Variants in PLEKHA1 observed in about 807,000 individuals in gnomAD.
PLEKHA1 encodes the protein pleckstrin homology domain containing A1.
In PLEKHA1, 34 loss-of-function variants were observed where a neutral mutation model predicts 52.0. That is an observed-to-expected ratio of 0.65 (90% CI 0.50 to 0.87). PLEKHA1 has a LOEUF of 0.87. Among genes scored for constraint, PLEKHA1 ranks in the 40% least tolerant of loss-of-function variants. The pLI is 0.00. For synonymous variants in PLEKHA1, 163 were observed against 170.7 expected (o/e 0.95, Z 0.35); for missense variants, 497 against 504.2 (o/e 0.99, Z 0.14).
intron 1 of PLEKHA1, among the ~76,000 whole-genome samples, chr10:122,388,283 T>A (rs2096728777): frequency 6.6e-6 from 1 of 152,232 alleles, no homozygotes; most frequent in Non-Finnish European, 1.5e-5. Flanking sequence ...TTGGTGGCTT[T>A]TTTCATTTAG....
chr10:122,401,768 A>C (rs897043354), intron 4 of PLEKHA1, among the ~76,000 whole-genome samples: 1 of 152,194 alleles, frequency 6.6e-6, no homozygotes, highest in Non-Finnish European at 1.5e-5. Flanking sequence ...TGAGTGACTG[A>C]AGGAACGAAT....
rs1432454110 is a variant in PLEKHA1 at position 122,430,429 on chromosome 10, A to G, written c.*491A>G. On this transcript the variant is annotated 3_prime_UTR_variant, in exon 12 of 12. Coordinates refer to ENST00000368990, the MANE Select transcript of PLEKHA1 (RefSeq NM_001001974.4). ...TGATGTCTGTGGTGCTGTAAAATTT[A>G]TACTAAAATGTGGACTATTTTGAAA... The G allele has an allele frequency of 6.5e-6, 1 of 154,194 alleles. No homozygotes were observed. The highest frequency in any genetic ancestry group is 1.4e-5 in the Non-Finnish European group (1 of 69,208). The allele number at this position is 154,194 out of a possible 1,614,324, so 9.6% of individuals were successfully genotyped here. A position where few individuals can be genotyped will look rare whatever the true frequency, so the allele number is the denominator to read the frequency against.
At chr10:122,375,076 C>T (rs2133385507) in intron 1 of PLEKHA1, 1 of 151,986 alleles carries the variant, frequency 6.6e-6, no homozygotes, top group African/African-American at 2.4e-5. Flanking sequence ...GGGGCGGCGT[C>T]TTCTTCCCGT....
Position 122,403,445 on chromosome 10 carries a change from G to C in PLEKHA1, c.244+3057G>C, listed in dbSNP as rs535457916. On this transcript the variant is annotated intron_variant, in intron 4 of 11. Coordinates refer to ENST00000368990, the MANE Select transcript of PLEKHA1 (RefSeq NM_001001974.4). ...AGTTAAGCTAATGTTTATGCTTCAA[G>C]TTTTATCCATTTTATGTATTCATTC... 6.6e-5 allele frequency among the ~76,000 whole-genome samples: 10 copies of C among 152,160 alleles called. No homozygotes were observed. The East Asian group carries it at 1.9e-3, about 30-fold the overall frequency.
chr10:122,415,724 A>T, intron 6 of PLEKHA1, 135 bp from the exon 7 acceptor site: 2 of 839,374 alleles, frequency 2.4e-6, no homozygotes, highest in Non-Finnish European at 3.5e-6. Context: ...AGTATCTCAG[A>T]TTAATTAGAA....
At chr10:122,420,720 A>G (rs1398251286) in intron 8 of PLEKHA1, 3 of 152,296 alleles carry the variant, frequency 2.0e-5, no homozygotes, top group Non-Finnish European at 2.9e-5. Flanking sequence ...CCTTCCATCA[A>G]TCTGAAATGA....
intron 5 of PLEKHA1, 42 bp from the exon 6 acceptor site, chr10:122,412,878 T>C (rs1435988185): frequency 1.2e-6 from 2 of 1,607,874 alleles, no homozygotes; most frequent in Non-Finnish European, 1.7e-6. Flanking sequence ...TTCACATGTA[T>C]AATGCTGGTT....
At chr10:122,395,961 A>C (rs2096843876) in intron 2 of PLEKHA1, among the ~76,000 whole-genome samples, 1 of 152,098 alleles carries the variant, frequency 6.6e-6, no homozygotes, top group Non-Finnish European at 1.5e-5. Flanking sequence ...TTTTTCTTAA[A>C]TGTTCTATTA....
rs1019773129 is a variant in PLEKHA1 at position 122,431,920 on chromosome 10, A to C, written c.*1982A>C. Reference sequence around the variant, plus strand: ...ATATTTAAGAACCTAATGCTGTTTAATTTTGGTACAGCTTCCACATTGCAT... The same window carrying C: ...ATATTTAAGAACCTAATGCTGTTTACTTTTGGTACAGCTTCCACATTGCAT... On this transcript the variant is annotated 3_prime_UTR_variant, in exon 12 of 12. Coordinates refer to ENST00000368990, the MANE Select transcript of PLEKHA1 (RefSeq NM_001001974.4). 2 of 152,136 alleles carry C rather than the reference A, an allele frequency of 1.3e-5. No homozygotes were observed. The highest frequency in any genetic ancestry group is 4.8e-5 in the African/African-American group (2 of 41,424). The allele number at this position is 152,136 out of a possible 1,614,324, so 9.4% of individuals were successfully genotyped here. A position where few individuals can be genotyped will look rare whatever the true frequency, so the allele number is the denominator to read the frequency against.
the PLEKHA1 span, chr10:122,441,372 T>C: frequency 1.3e-5 from 2 of 152,060 alleles, no homozygotes; most frequent in African/African-American, 4.8e-5. Flanking sequence ...CATTGCGTGC[T>C]GAGGTGAGAG....
At chr10:122,384,897 A>G (rs543008376) in intron 1 of PLEKHA1, among the ~76,000 whole-genome samples, 32 of 152,192 alleles carry the variant, frequency 2.1e-4, no homozygotes, top group Non-Finnish European at 3.8e-4. Flanking sequence ...TGGAGGTTGC[A>G]GTGAGCCGAG....
chr10:122,375,284 C>A (rs1346142913), intron 1 of PLEKHA1, among the ~76,000 whole-genome samples: 1 of 152,124 alleles, frequency 6.6e-6, no homozygotes, highest in Non-Finnish European at 1.5e-5. Context: ...GGGCTGTGCC[C>A]GCGGGGCGCG....
At chr10:122,381,601 A>T (rs778824640) in intron 1 of PLEKHA1, among the ~76,000 whole-genome samples, 7 of 152,200 alleles carry the variant, frequency 4.6e-5, no homozygotes, top group African/African-American at 9.7e-5. Context: ...GTCCCCAGTC[A>T]TGCCTCCTGT....
At chr10:122,436,471 C>T (rs1169215374), downstream of PLEKHA1, 14 of 152,150 alleles carry the variant, frequency 9.2e-5, no homozygotes, top group Admixed American at 9.2e-4. Context: ...TTGGAAACAG[C>T]TATAGGGCCT....
the PLEKHA1 span, chr10:122,439,333 C>G: frequency 6.7e-6 from 1 of 148,690 alleles, no homozygotes; most frequent in Non-Finnish European, 1.5e-5. Flanking sequence ...TTGTGTAGCT[C>G]TAGTCTTTGT....
At chr10:122,401,955 C>T (rs1379490982) in intron 4 of PLEKHA1, among the ~76,000 whole-genome samples, 1 of 152,048 alleles carries the variant, frequency 6.6e-6, no homozygotes, top group Non-Finnish European at 1.5e-5. Context: ...CAAGGGAATC[C>T]TCTAAAATGC....
At chr10:122,421,870 G>GC (rs923532790) in intron 8 of PLEKHA1, 10 of 84,024 alleles carry the variant, frequency 1.2e-4, no homozygotes, top group Non-Finnish European at 1.1e-4. Flanking sequence ...CTGCCCAAAA[G>GC]CAACTGTAAA....
intron 5 of PLEKHA1, among the ~76,000 whole-genome samples, chr10:122,409,083 ATC>A (rs1291184598): frequency 1.3e-5 from 2 of 151,930 alleles, no homozygotes; most frequent in Non-Finnish European, 2.9e-5. Flanking sequence ...TGCCATTTTA[ATC>A]CATTATCCTC....
chr10:122,401,264 A>G (rs1277939356), intron 4 of PLEKHA1, among the ~76,000 whole-genome samples: 2 of 152,196 alleles, frequency 1.3e-5, no homozygotes, highest in Admixed American at 1.3e-4. Context: ...TATTACTTTG[A>G]ACAAAGGAGA....
Sources: gnomAD v4.1 joint callset for allele counts (sites outside exome capture counted in the v4.1 genomes callset) on GRCh38, gnomAD v4.1.1 for gene constraint, MANE v1.5 for transcripts, NCBI Gene and HGNC (gene_info 2026-07-23, HGNC 2026-07-21) for gene names.